Variants in RAP1GAP2 observed in about 807,000 individuals in gnomAD.
The protein encoded by RAP1GAP2 is RAP1 GTPase activating protein 2.
In RAP1GAP2, 27 loss-of-function variants were observed where a neutral mutation model predicts 95.0. The ratio of observed to expected loss-of-function variants is 0.28; its 90% CI spans 0.21 to 0.39. RAP1GAP2 has a LOEUF of 0.39. RAP1GAP2 is among the 10% of genes least tolerant of loss of function. The probability of loss-of-function intolerance (pLI) is 1.00; values close to 1 mark genes in which losing one functional copy is unlikely to be tolerated. For missense variants in RAP1GAP2, 771 were observed against 970.0 expected (o/e 0.79, Z 2.72); for synonymous variants, 373 against 380.9 (o/e 0.98, Z 0.24).
chr17:2,998,470 C>CA, intron 14 of RAP1GAP2, 94 bp downstream of exon 14: 3 of 1,422,586 alleles, frequency 2.1e-6, no homozygotes, highest in Non-Finnish European at 2.9e-6. Context: ...CCTCAGCAGT[C>CA]AGAGATTCTC....
In RAP1GAP2 at chr17:2,870,095, C is replaced by T. The variant is rs2072780398; in HGVS notation, c.81-35189C>T. Reference sequence around the variant, plus strand: ...TGGCCTCAGAACCTTCCTCAGAGTGCACTCTGTGCTGCTGCTTGACAATCT... The same window carrying T: ...TGGCCTCAGAACCTTCCTCAGAGTGTACTCTGTGCTGCTGCTTGACAATCT... On this transcript the variant is annotated intron_variant, in intron 2 of 24. Coordinates refer to ENST00000254695, the MANE Select transcript of RAP1GAP2 (RefSeq NM_015085.5). The surrounding 1 kb of genome is among the most constrained non-coding windows in gnomAD (Gnocchi z 4.4). Among the ~76,000 whole-genome samples the T allele has an allele frequency of 6.6e-6, 1 of 151,842 alleles. No homozygotes were observed. The highest frequency in any genetic ancestry group is 1.9e-4 in the East Asian group (1 of 5,150).
In RAP1GAP2 at chr17:3,007,822, A is replaced by G. The variant is rs2046383637; in HGVS notation, c.1360-189A>G. 2.0e-5 allele frequency among the ~76,000 whole-genome samples: 3 copies of G among 152,082 alleles called. No individual in the cohort carries two copies. In the South Asian group the frequency reaches 6.2e-4, roughly 32 times the overall value. On this transcript the variant is annotated intron_variant, in intron 16 of 24. Transcript: ENST00000254695. ...GCAGGGGGAGTAGAGCAGGAGGCCG[A>G]GCACGCAGCCTTCATCTTAGCTGCA...
chr17:2,849,292 A>T (rs2071723724), intron 2 of RAP1GAP2, among the ~76,000 whole-genome samples: 1 of 151,816 alleles, frequency 6.6e-6, no homozygotes, highest in South Asian at 2.1e-4. Flanking sequence ...CCCACCCCCA[A>T]TCCCAGCCCA....
rs71377566 is a variant in RAP1GAP2 at position 3,001,968 on chromosome 17, C to CTT, written c.1201-3386_1201-3385dup. 3.5e-3 allele frequency among the ~76,000 whole-genome samples: 489 copies of CTT among 138,654 alleles called. 3 individuals carry two copies. Among genetic ancestry groups the CTT allele is most frequent in the Middle Eastern group, 0.011 (3 of 272 alleles). The allele number at this position is 138,654 out of a possible 152,430, so 91.0% of individuals were successfully genotyped here. A position where few individuals can be genotyped will look rare whatever the true frequency, so the allele number is the denominator to read the frequency against. On this transcript the variant is annotated intron_variant, in intron 14 of 24. Transcript: ENST00000254695. ...GAAGTCTTTACCCACTCTTCTTCTC[C>CTT]TTTTTTTTTTTTTTTTGAGACAGTC...
At chr17:2,951,956 C>G (rs1011672372) in intron 3 of RAP1GAP2, among the ~76,000 whole-genome samples, 1 of 152,040 alleles carries the variant, frequency 6.6e-6, no homozygotes, top group Admixed American at 6.6e-5. Context: ...ATCGCTTGAA[C>G]CCAGGAGGCG....
intron 2 of RAP1GAP2, among the ~76,000 whole-genome samples, chr17:2,873,958 G>C (rs371863722): frequency 7.3e-4 from 111 of 151,658 alleles, no homozygotes; most frequent in Non-Finnish European, 1.3e-3. Flanking sequence ...GACGCGGTGG[G>C]GGGGGGCGGG....
rs148047437 is a variant in RAP1GAP2, at chr17:2,845,869, T to TAAATA, written c.80+45339_80+45343dup. Among the ~76,000 whole-genome samples, 55 of 149,488 alleles carry TAAATA rather than the reference T, an allele frequency of 3.7e-4. No homozygotes were observed. In the South Asian group the frequency reaches 5.5e-3, roughly 15 times the overall value. ...GAGTGAGGCTCTGTCTTAAAATAAATAAATAAAATAAAATAAAATAAAATT... is the reference window on the plus strand; with the variant it reads ...GAGTGAGGCTCTGTCTTAAAATAAATAAATAAAATAAAATAAAATAAAATAAAATT... On this transcript the variant is annotated intron_variant, in intron 2 of 24. Transcript: ENST00000254695.
chr17:2,820,099 G>A (rs1001163384), intron 2 of RAP1GAP2, among the ~76,000 whole-genome samples: 1 of 152,022 alleles, frequency 6.6e-6, no homozygotes, highest in Non-Finnish European at 1.5e-5. Flanking sequence ...TCTTTTTGGT[G>A]CCATGCATAT....
At chr17:2,771,516 A>G (rs1223012955) in intron 2 of RAP1GAP2, among the ~76,000 whole-genome samples, 1 of 112,048 alleles carries the variant, frequency 8.9e-6, no homozygotes, top group Non-Finnish European at 1.8e-5. Context: ...TTTTTTAGAT[A>G]GAGTTTTGCT....
intron 10 of RAP1GAP2, among the ~76,000 whole-genome samples, chr17:2,984,423 G>A (rs951594421): frequency 2.0e-5 from 3 of 152,202 alleles, no homozygotes; most frequent in South Asian, 2.1e-4. Context: ...TCTATGATGC[G>A]TAACGGAAAA....
intron 23 of RAP1GAP2, among the ~76,000 whole-genome samples, chr17:3,032,167 G>C (rs966928506): frequency 6.7e-6 from 1 of 148,382 alleles, no homozygotes; most frequent in South Asian, 2.2e-4. Flanking sequence ...CCAGACTATC[G>C]AGAGCTCCAG....
At position 2,825,254 on chromosome 17, in the gene RAP1GAP2, A is replaced by G. The variant is rs572093376; in HGVS notation, c.80+24704A>G. On this transcript the variant is annotated intron_variant, in intron 2 of 24. Transcript: ENST00000254695. This position sits in a 1 kb window ranked among gnomAD's most constrained non-coding sequence, Gnocchi z 4.1. ...TAGTCCCATCTTCCCTTTCAAACAC[A>G]GGCCTAGCAGCAGCATCTCTCCAGC... is the stretch of plus-strand genomic sequence containing the variant. Among the ~76,000 whole-genome samples the G allele has an allele frequency of 6.6e-6, 1 of 152,200 alleles. No individual in the cohort carries two copies. Among genetic ancestry groups the G allele is most frequent in the African/African-American group, 2.4e-5 (1 of 41,550 alleles).
At chr17:2,791,198 C>T (rs2068915995) in intron 1 of RAP1GAP2, among the ~76,000 whole-genome samples, 1 of 152,252 alleles carries the variant, frequency 6.6e-6, no homozygotes, top group Admixed American at 6.5e-5. Flanking sequence ...GAACGAGCCC[C>T]CTTCTCTAAA....
intron 3 of RAP1GAP2, among the ~76,000 whole-genome samples, chr17:2,918,998 G>A (rs1303303069): frequency 6.6e-6 from 1 of 152,154 alleles, no homozygotes; most frequent in East Asian, 1.9e-4. Flanking sequence ...AGACCATCTA[G>A]GGGGAAGTAC....
intron 7 of RAP1GAP2, 93 bp downstream of exon 7, chr17:2,964,161 G>A: frequency 1.6e-6 from 2 of 1,236,704 alleles, no homozygotes; most frequent in African/African-American, 1.6e-5. Flanking sequence ...GATGGGGAGA[G>A]GTTGAGGGAG....
At chr17:2,853,918 G>T (rs916755874) in intron 2 of RAP1GAP2, 72 of 981,604 alleles carry the variant, frequency 7.3e-5, no homozygotes, top group Middle Eastern at 5.2e-4. Flanking sequence ...GCGGGCTCAG[G>T]GGCCGGGTGC....
chr17:2,832,519 C>G (rs1373061180), intron 2 of RAP1GAP2, among the ~76,000 whole-genome samples: 5 of 141,236 alleles, frequency 3.5e-5, no homozygotes, highest in African/African-American at 1.1e-4. Context: ...GATCGCGCCA[C>G]TGCACTCCAG....
intron 3 of RAP1GAP2, among the ~76,000 whole-genome samples, chr17:2,920,561 C>A (rs1041616794): frequency 6.6e-6 from 1 of 152,208 alleles, no homozygotes; most frequent in African/African-American, 2.4e-5. Flanking sequence ...TGTGTGACAT[C>A]GTGCAGTTCA....
chr17:2,951,604 G>C (rs2043925834), intron 3 of RAP1GAP2, among the ~76,000 whole-genome samples: 1 of 152,034 alleles, frequency 6.6e-6, no homozygotes, highest in Non-Finnish European at 1.5e-5. Flanking sequence ...TGTAGTCCCT[G>C]CTACTTGGGA....
Sources: allele counts gnomAD v4.1 joint callset (sites outside exome capture counted in the v4.1 genomes callset), GRCh38; gene constraint gnomAD v4.1.1; non-coding constraint Gnocchi (gnomAD v3.1); transcripts MANE v1.5; gene names NCBI Gene and HGNC (gene_info 2026-07-23, HGNC 2026-07-21).